CFAP100: variants seen among roughly 807,000 people sequenced by gnomAD.
CFAP100 encodes the protein cilia- and flagella-associated protein 100.
A neutral mutation model predicts 81.5 loss-of-function variants in CFAP100; 70 were observed. That is an observed-to-expected ratio of 0.86 (90% CI 0.71 to 1.05). The LOEUF is 1.05. Ranked by LOEUF, CFAP100 falls within the 50% of genes least tolerant of loss-of-function variation. The pLI is 0.00. For synonymous variants in CFAP100, 341 were observed against 314.8 expected, an observed-to-expected ratio of 1.08 and a Z score of -0.88; for missense variants, 811 against 776.5, an observed-to-expected ratio of 1.04 and a Z score of -0.53.
chr3:126,421,174 T>A (rs1482704293), intron 11 of CFAP100, among the ~76,000 whole-genome samples: 1 of 152,138 alleles, frequency 6.6e-6, no homozygotes, highest in East Asian at 1.9e-4. Context: ...GGCTAATTTT[T>A]TGTATTTTTA....
At chr3:126,434,484 C>T (rs959940956) in intron 15 of CFAP100, 103 bp downstream of exon 15, 4 of 1,115,378 alleles carry the variant, frequency 3.6e-6, no homozygotes, top group Admixed American at 2.5e-5. Context: ...GAGACAGGCC[C>T]CTCCTGCTCT....
At chr3:126,418,041 G>C in intron 5 of CFAP100, 8 of 173,108 alleles carry the variant, frequency 4.6e-5, no homozygotes, top group South Asian at 2.8e-4. Context: ...GTTTGCTCGG[G>C]GGGCTTAGGT....
chr3:126,422,774 G>C (rs764036968), intron 11 of CFAP100, among the ~76,000 whole-genome samples: 1 of 152,198 alleles, frequency 6.6e-6, no homozygotes, highest in Non-Finnish European at 1.5e-5. Context: ...ACTGACCCTA[G>C]ATGGGGGAGG....
chr3:126,414,110 C>T lies in CFAP100; in HGVS notation c.156C>T (p.Asn52=). The part of the protein sequence containing the change: ...NEEHGPDPSA[N]PFHLSGDVDF... Reference sequence around the variant, plus strand: ...AACATGGTCCTGACCCTTCAGCGAACCCTTTCCACTTATCTGGGGATGTGG... The same window carrying T: ...AACATGGTCCTGACCCTTCAGCGAATCCTTTCCACTTATCTGGGGATGTGG... The change falls in exon 4 of 17, where the codon AAC becomes AAT. Residue 52 remains asparagine (N), a synonymous_variant. Coordinates refer to ENST00000352312, the MANE Select transcript of CFAP100 (RefSeq NM_182628.3). 3 of 1,614,036 alleles carry T rather than the reference C, an allele frequency of 1.9e-6. No homozygotes were observed. The highest frequency in any genetic ancestry group is 1.3e-5 in the African/African-American group (1 of 75,028).
chr3:126,408,847 C>G (rs948916989), intron 3 of CFAP100, among the ~76,000 whole-genome samples: 1 of 152,184 alleles, frequency 6.6e-6, no homozygotes. Flanking sequence ...CAGGTGCAGT[C>G]GTTCGATCAC....
At chr3:126,404,311 TGAG>T (rs766694460) in intron 2 of CFAP100, among the ~76,000 whole-genome samples, 7 of 152,108 alleles carry the variant, frequency 4.6e-5, no homozygotes, top group Non-Finnish European at 1.0e-4. Flanking sequence ...AGCACGAAGT[TGAG>T]GAGAAGTACA....
At position 126,419,019 on chromosome 3, in the gene CFAP100, A is replaced by T. The variant is rs918754156; in HGVS notation, c.651-57A>T. 2.0e-4 allele frequency: 224 copies of T among 1,140,314 alleles called. 1 individual carries two copies. Among genetic ancestry groups the T allele is most frequent in the Middle Eastern group, 1.2e-3 (4 of 3,472 alleles). The allele number at this position is 1,140,314 out of a possible 1,614,324, so 70.6% of individuals were successfully genotyped here. ...TGGGTGGTGTGCTCACCCCTCTTTA[A>T]TAGGCTGCCACTGGCCCCTTGCCCC... On this transcript the variant is annotated intron_variant, in intron 7 of 16. Transcript: ENST00000352312.
chr3:126,408,876 C>A (rs1047454247), intron 3 of CFAP100, among the ~76,000 whole-genome samples: 9 of 152,188 alleles, frequency 5.9e-5, no homozygotes, highest in African/African-American at 2.2e-4. Context: ...GCAGCCTCAA[C>A]CTCCTGGGTT....
At position 126,395,952 on chromosome 3, in the gene CFAP100, C is replaced by T; in HGVS notation, c.-49C>T. On this transcript the variant is annotated 5_prime_UTR_variant, in exon 2 of 17. Transcript: ENST00000352312. ...TGTGTCACTCCTCAGGTGAGGATCT[C>T]CTTTAGAAGAGGAGAAGCCTTGCAT... 1 of 1,525,438 alleles carries T rather than the reference C, an allele frequency of 6.6e-7. No individual in the cohort carries two copies. Among genetic ancestry groups the T allele is most frequent in the East Asian group, 2.3e-5 (1 of 44,418 alleles). 94.5% of individuals were successfully genotyped at this position (1,525,438 alleles called of 1,614,324 possible).
At position 126,436,407 on chromosome 3, in the gene CFAP100, T is replaced by C. The variant is rs756865223; in HGVS notation, c.*3T>C. 6 of 1,606,504 alleles carry C rather than the reference T, an allele frequency of 3.7e-6. No homozygotes were observed. Among genetic ancestry groups the C allele is most frequent in the Middle Eastern group, 1.7e-4 (1 of 6,032 alleles). Reference sequence around the variant, plus strand: ...AGCTGCTATTTTTCTTTACTTAATCTTCGCAGACCATAGCTGTTCTGGCTG... The same window carrying C: ...AGCTGCTATTTTTCTTTACTTAATCCTCGCAGACCATAGCTGTTCTGGCTG... On this transcript the variant is annotated 3_prime_UTR_variant, in exon 17 of 17. Coordinates refer to ENST00000352312, the MANE Select transcript of CFAP100 (RefSeq NM_182628.3).
At chr3:126,404,478 G>A (rs886505339) in intron 2 of CFAP100, among the ~76,000 whole-genome samples, 1 of 152,172 alleles carries the variant, frequency 6.6e-6, no homozygotes, top group African/African-American at 2.4e-5. Context: ...GATCTGACTC[G>A]CTAAGGGGTC....
Position 126,416,374 on chromosome 3 carries a change from T to C in CFAP100, c.284T>C (p.Val95Ala). 2 of 1,611,210 alleles carry C rather than the reference T, an allele frequency of 1.2e-6. No homozygotes were observed. Among genetic ancestry groups the C allele is most frequent in the Non-Finnish European group, 1.7e-6 (2 of 1,179,002 alleles). ...VHQKMTYSSK[V>A]SAKHTSLRRQ... ...CAGAAGATGACCTACTCCTCGAAAG[T>C]GTCGGCTAAGCACACCAGCCTGCGG... Residue 95 changes from valine to alanine, a missense_variant, in exon 5 of 17, where the codon GTG becomes GCG. Transcript: ENST00000352312.
At position 126,418,605 on chromosome 3, in the gene CFAP100, C is replaced by T. The variant is rs748989887; in HGVS notation, c.487-6C>T. On this transcript the variant is annotated splice_region_variant and splice_polypyrimidine_tract_variant and intron_variant, in intron 6 of 16. Coordinates refer to ENST00000352312, the MANE Select transcript of CFAP100 (RefSeq NM_182628.3). Reference sequence around the variant, plus strand: ...GGCACCATGACCCCACTCTGCTGGCCCCCAGTATGCCCTGGATGTCAAGCG... The same window carrying T: ...GGCACCATGACCCCACTCTGCTGGCTCCCAGTATGCCCTGGATGTCAAGCG... The T allele has an allele frequency of 1.2e-4, 187 of 1,608,858 alleles. 1 individual carries two copies. The highest frequency in any genetic ancestry group is 1.4e-4 in the Non-Finnish European group (163 of 1,177,468).
At chr3:126,415,842 C>T (rs2083228013) in intron 4 of CFAP100, among the ~76,000 whole-genome samples, 2 of 152,168 alleles carry the variant, frequency 1.3e-5, no homozygotes, top group African/African-American at 2.4e-5. Flanking sequence ...GAAGCCACCC[C>T]CAGGCCGCAC....
intron 2 of CFAP100, among the ~76,000 whole-genome samples, chr3:126,402,733 G>A (rs1479542129): frequency 2.0e-5 from 3 of 151,954 alleles, no homozygotes; most frequent in Non-Finnish European, 2.9e-5. Context: ...CTAGGCTCAG[G>A]AAGGCCCCAG....
At chr3:126,413,539 G>A (rs1187594535) in intron 3 of CFAP100, among the ~76,000 whole-genome samples, 1 of 152,212 alleles carries the variant, frequency 6.6e-6, no homozygotes, top group African/African-American at 2.4e-5. Flanking sequence ...AGAATTAGGA[G>A]TGGGACAAGA....
intron 13 of CFAP100, among the ~76,000 whole-genome samples, chr3:126,424,805 G>A (rs2083384623): frequency 6.6e-6 from 1 of 152,248 alleles, no homozygotes. Context: ...ACAGCAGATG[G>A]GAGGGGTAGA....
intron 3 of CFAP100, among the ~76,000 whole-genome samples, chr3:126,410,264 T>C (rs2083134102): frequency 6.6e-6 from 1 of 152,256 alleles, no homozygotes; most frequent in South Asian, 2.1e-4. Flanking sequence ...TTCTTCATTA[T>C]GGCTTTTAGT....
chr3:126,411,692 G>T (rs1381380895), intron 3 of CFAP100, among the ~76,000 whole-genome samples: 1 of 151,966 alleles, frequency 6.6e-6, no homozygotes, highest in Non-Finnish European at 1.5e-5. Context: ...TTTTGTTTGT[G>T]CACATACATG....
Sources: allele counts gnomAD v4.1 joint callset (sites outside exome capture counted in the v4.1 genomes callset), GRCh38; gene constraint gnomAD v4.1.1; transcripts MANE v1.5; gene names NCBI Gene and HGNC (gene_info 2026-07-23, HGNC 2026-07-21).